Variants in NAB1 observed in about 807,000 individuals in gnomAD.
NAB1 encodes NGFI-A-binding protein 1.
In NAB1, 25 loss-of-function variants were observed where a neutral mutation model predicts 49.9. The observed-to-expected ratio is 0.50, with a 90% confidence interval of 0.37 to 0.70. The LOEUF is 0.70. NAB1 is among the 30% of genes least tolerant of loss of function. The probability of loss-of-function intolerance (pLI) is 0.00; values close to 1 mark genes in which losing one functional copy is unlikely to be tolerated. For synonymous variants in NAB1, 198 were observed against 215.6 expected (o/e 0.92, Z 0.71); for missense variants, 489 against 575.9 (o/e 0.85, Z 1.54).
chr2:190,670,422 C>T lies in NAB1; in HGVS notation c.916C>T (p.Arg306Ter). 6.2e-7 allele frequency: 1 copy of T among 1,613,918 alleles called. No individual in the cohort carries two copies. Among genetic ancestry groups the T allele is most frequent in the Non-Finnish European group, 8.5e-7 (1 of 1,179,904 alleles). Residue 306 changes from arginine to a stop codon, truncating the protein, a stop_gained, in exon 5 of 10, where the codon CGA (arginine) becomes TGA (stop). Transcript: ENST00000337386. LOFTEE classifies it high-confidence loss of function. This position sits in a 1 kb window ranked among gnomAD's most constrained non-coding sequence, Gnocchi z 5.3. ...TTTTGCCTTGGCTCGACAGATTTCT[C>T]GAGAAGTCACCTATAAATATACTTA... Reference protein sequence around the residue: ...ELFALARQISREVTYKYTYRT... With the variant: ...ELFALARQIS
rs1359036832 is a variant in NAB1, at chr2:190,657,506, C to T, written c.-20+1353C>T. Among the ~76,000 whole-genome samples the T allele has an allele frequency of 6.6e-6, 1 of 152,214 alleles. No homozygotes were observed. The highest frequency in any genetic ancestry group is 2.4e-5 in the African/African-American group (1 of 41,454). On this transcript the variant is annotated intron_variant, in intron 3 of 9. Coordinates refer to ENST00000337386, the MANE Select transcript of NAB1 (RefSeq NM_005966.4). The surrounding 1 kb of genome is among the most constrained non-coding windows in gnomAD (Gnocchi z 4.4). ...CCTGGGAAACTGTATTTTTCAAAAG[C>T]ACCCCAGGTGATTTCCTGGGTTTTA...
intron 2 of NAB1, 115 bp from the exon 3 acceptor site, chr2:190,655,862 T>G (rs965063963): frequency 6.6e-6 from 1 of 152,296 alleles, no homozygotes; most frequent in East Asian, 1.9e-4. Context: ...TTAAAAAAAG[T>G]TTTGGAACAA....
intron 4 of NAB1, among the ~76,000 whole-genome samples, chr2:190,665,212 A>T (rs1357464325): frequency 6.6e-6 from 1 of 151,764 alleles, no homozygotes; most frequent in African/African-American, 2.4e-5. Flanking sequence ...AGTCCTAGCT[A>T]CTCGGGAGGC....
chr2:190,649,756 GT>G lies in NAB1; in HGVS notation c.-333-87del, dbSNP rs1244617860. 6.6e-6 allele frequency: 1 copy of G among 152,186 alleles called. No homozygotes were observed. Among genetic ancestry groups the G allele is most frequent in the African/African-American group, 2.4e-5 (1 of 41,416 alleles). The allele number at this position is 152,186 out of a possible 1,614,324, so 9.4% of individuals were successfully genotyped here. On this transcript the variant is annotated intron_variant, in intron 1 of 9. Coordinates refer to ENST00000337386, the MANE Select transcript of NAB1 (RefSeq NM_005966.4). This position sits in a 1 kb window ranked among gnomAD's most constrained non-coding sequence, Gnocchi z 6.1. ...CCACCTTCGTCAGGGCAGTCTTTTT[GT>G]TTGTTTACTTTATAAAAGTGCTGCA...
chr2:190,659,136 C>CTTTTTTT lies in NAB1; in HGVS notation c.-19-12_-19-6dup. 1 of 1,190,340 alleles carries CTTTTTTT rather than the reference C, an allele frequency of 8.4e-7. No individual in the cohort carries two copies. The highest frequency in any genetic ancestry group is 1.1e-6 in the Non-Finnish European group (1 of 869,832). The allele number at this position is 1,190,340 out of a possible 1,614,324, so 73.7% of individuals were successfully genotyped here. A position where few individuals can be genotyped will look rare whatever the true frequency, so the allele number is the denominator to read the frequency against. On this transcript the variant is annotated intron_variant, in intron 3 of 9. Transcript: ENST00000337386. The surrounding 1 kb of genome is among the most constrained non-coding windows in gnomAD (Gnocchi z 6.2). ...TTGAAGCAAGTATGATGAGTTTTTA[C>CTTTTTTT]TTTTTTTTTTTTTTTTGGCAGGTTA...
intron 4 of NAB1, among the ~76,000 whole-genome samples, chr2:190,662,503 A>T (rs1206578343): frequency 6.6e-6 from 1 of 151,906 alleles, no homozygotes; most frequent in Non-Finnish European, 1.5e-5. Flanking sequence ...AGAACCACAC[A>T]CCTTGCTGGT....
In NAB1 at chr2:190,689,203, C is replaced by T. The variant is rs564526165; in HGVS notation, c.1376-1042C>T. On this transcript the variant is annotated intron_variant, in intron 9 of 9. Transcript: ENST00000337386. This position sits in a 1 kb window ranked among gnomAD's most constrained non-coding sequence, Gnocchi z 4.3. ...CAAGCCTGGGTCCAGATCTTAGCAC[C>T]GATACTTGACTGAGTGACCCTGACT... Among the ~76,000 whole-genome samples, 10 of 152,150 alleles carry T rather than the reference C, an allele frequency of 6.6e-5. No homozygotes were observed. The highest frequency in any genetic ancestry group is 2.1e-4 in the South Asian group (1 of 4,812).
chr2:190,659,881 C>A lies in NAB1; in HGVS notation c.705C>A (p.Ile235=), dbSNP rs768291384. ...NKKLAKMIGH[I]FEMNDDDPHK... The stretch of plus-strand genomic sequence containing the variant: ...AGTTGGCCAAAATGATTGGTCACAT[C>A]TTTGAGATGAACGATGATGATCCAC... Residue 235 remains isoleucine (I), a synonymous_variant, in exon 4 of 10, where the codon ATC becomes ATA. Transcript: ENST00000337386. The surrounding 1 kb of genome is among the most constrained non-coding windows in gnomAD (Gnocchi z 6.2). 1.2e-6 allele frequency: 2 copies of A among 1,613,996 alleles called. No homozygotes were observed. Among genetic ancestry groups the A allele is most frequent in the East Asian group, 4.5e-5 (2 of 44,884 alleles).
In NAB1 at chr2:190,663,162, T is replaced by A. The variant is rs188841172; in HGVS notation, c.819+3167T>A. Among the ~76,000 whole-genome samples, 1 of 152,362 alleles carries A rather than the reference T, an allele frequency of 6.6e-6. No homozygotes were observed. Among genetic ancestry groups the A allele is most frequent in the East Asian group, 1.9e-4 (1 of 5,194 alleles). The stretch of plus-strand genomic sequence containing the variant: ...CTGGACTTTTCCTTCTGATGATTTT[T>A]AAAAATGAATTATGGTAGTCTATTT... On this transcript the variant is annotated intron_variant, in intron 4 of 9. Coordinates refer to ENST00000337386, the MANE Select transcript of NAB1 (RefSeq NM_005966.4). The surrounding 1 kb of genome is among the most constrained non-coding windows in gnomAD (Gnocchi z 4.2).
intron 9 of NAB1, among the ~76,000 whole-genome samples, chr2:190,688,304 C>T (rs1695721985): frequency 6.6e-6 from 1 of 152,054 alleles, no homozygotes; most frequent in Non-Finnish European, 1.5e-5. Flanking sequence ...TATGTATTTA[C>T]TAGAAAAAAA....
In NAB1 at chr2:190,670,678, T is replaced by TA. The variant is rs1185709915; in HGVS notation, c.953+220dup. 3.8e-4 allele frequency among the ~76,000 whole-genome samples: 58 copies of TA among 152,342 alleles called. No individual in the cohort carries two copies. Among genetic ancestry groups the TA allele is most frequent in the Admixed American group, 1.2e-3 (19 of 15,310 alleles). Reference sequence around the variant, plus strand: ...TTGAAAGGCATCATTCTCTAGTTACTATAGCATTGTTCTGGTAGTGGTTTT... The same window carrying TA: ...TTGAAAGGCATCATTCTCTAGTTACTAATAGCATTGTTCTGGTAGTGGTTTT... On this transcript the variant is annotated intron_variant, in intron 5 of 9. Transcript: ENST00000337386. This position sits in a 1 kb window ranked among gnomAD's most constrained non-coding sequence, Gnocchi z 5.3.
rs970998448 is a variant in NAB1, at chr2:190,652,922, G to A, written c.-197+2940G>A. On this transcript the variant is annotated intron_variant, in intron 2 of 9. Transcript: ENST00000337386. This position sits in a 1 kb window ranked among gnomAD's most constrained non-coding sequence, Gnocchi z 4.2. ...CATAGAGCAAGCTTGTCCAACCCGAGGCCTGTGGTTGCATGCAGCCCAGGA... is the reference window on the plus strand; with the variant it reads ...CATAGAGCAAGCTTGTCCAACCCGAAGCCTGTGGTTGCATGCAGCCCAGGA... 3.9e-5 allele frequency among the ~76,000 whole-genome samples: 6 copies of A among 152,180 alleles called. No individual in the cohort carries two copies. The highest frequency in any genetic ancestry group is 1.2e-4 in the African/African-American group (5 of 41,428).
Position 190,685,592 on chromosome 2 carries a change from A to G in NAB1, c.1212A>G (p.Glu404=). ...LSAGLYRQSS[E]EHSPNGLTSD... ...CAGGGCTTTACAGGCAGAGCTCAGA[A>G]GAGCACAGTCCTAACGGCTTGACTT... Residue 404 remains glutamate, a synonymous_variant, in exon 8 of 10, where the codon GAA becomes GAG. Transcript: ENST00000337386. The surrounding 1 kb of genome is among the most constrained non-coding windows in gnomAD (Gnocchi z 4.5). 6.2e-7 allele frequency: 1 copy of G among 1,614,084 alleles called. No individual in the cohort carries two copies. The highest frequency in any genetic ancestry group is 8.5e-7 in the Non-Finnish European group (1 of 1,179,992).
rs959729941 is a variant in NAB1 at position 190,689,818 on chromosome 2, A to G, written c.1376-427A>G. ...TAACCAGTAACAGTTATTTATGAATAATCAGCTTCCTTTTATATATTTATC... is the reference window on the plus strand; with the variant it reads ...TAACCAGTAACAGTTATTTATGAATGATCAGCTTCCTTTTATATATTTATC... On this transcript the variant is annotated intron_variant, in intron 9 of 9. Transcript: ENST00000337386. The surrounding 1 kb of genome is among the most constrained non-coding windows in gnomAD (Gnocchi z 4.3). Among the ~76,000 whole-genome samples the G allele has an allele frequency of 6.6e-6, 1 of 152,004 alleles. No individual in the cohort carries two copies. The highest frequency in any genetic ancestry group is 1.5e-5 in the Non-Finnish European group (1 of 67,954).
chr2:190,650,391 T>TG (rs1177767774), intron 2 of NAB1, among the ~76,000 whole-genome samples: 1 of 152,216 alleles, frequency 6.6e-6, no homozygotes, highest in Admixed American at 6.5e-5. Context: ...TCTCAGATCT[T>TG]GTTTAAAAAT....
rs1427981512 is a variant in NAB1 at position 190,666,397 on chromosome 2, C to T, written c.820-3929C>T. On this transcript the variant is annotated intron_variant, in intron 4 of 9. Coordinates refer to ENST00000337386, the MANE Select transcript of NAB1 (RefSeq NM_005966.4). The surrounding 1 kb of genome is among the most constrained non-coding windows in gnomAD (Gnocchi z 5.6). ...CTGTAGTAAGTCCAGTTTTTAAGTC[C>T]GGTTATAAAAGATAGCTAACTTTAA... 1.3e-5 allele frequency among the ~76,000 whole-genome samples: 2 copies of T among 152,036 alleles called. No individual in the cohort carries two copies. Among genetic ancestry groups the T allele is most frequent in the African/African-American group, 4.8e-5 (2 of 41,388 alleles).
rs114427348 is a variant in NAB1 at position 190,678,254 on chromosome 2, T to C, written c.1005+5102T>C. On this transcript the variant is annotated intron_variant, in intron 6 of 9. Transcript: ENST00000337386. The surrounding 1 kb of genome is among the most constrained non-coding windows in gnomAD (Gnocchi z 4.9). ...AATCAAGAGCCAAAGTCCCTGGCTC[T>C]CTTGTCTTCTCCTAAATTTTTTTAA... Among the ~76,000 whole-genome samples the C allele has an allele frequency of 4.5e-3, 681 of 152,344 alleles. 4 individuals are homozygous for C. Among genetic ancestry groups the C allele is most frequent in the African/African-American group, 0.016 (649 of 41,594 alleles).
rs925031612 is a variant in NAB1, at chr2:190,670,653, T to C, written c.953+194T>C. ...GTTGTTTAATTCTCACTGTTCTCTT[T>C]TGAAAGGCATCATTCTCTAGTTACT... On this transcript the variant is annotated intron_variant, in intron 5 of 9. Coordinates refer to ENST00000337386, the MANE Select transcript of NAB1 (RefSeq NM_005966.4). This position sits in a 1 kb window ranked among gnomAD's most constrained non-coding sequence, Gnocchi z 5.3. Among the ~76,000 whole-genome samples the C allele has an allele frequency of 6.6e-6, 1 of 152,228 alleles. No individual in the cohort carries two copies. The highest frequency in any genetic ancestry group is 6.5e-5 in the Admixed American group (1 of 15,282).
In NAB1 at chr2:190,670,443, A is replaced by G; in HGVS notation, c.937A>G (p.Thr313Ala). The change falls in exon 5 of 10, where the codon ACT becomes GCT. Residue 313 changes from threonine to alanine, a missense_variant. Transcript: ENST00000337386. The surrounding 1 kb of genome is among the most constrained non-coding windows in gnomAD (Gnocchi z 5.3). The part of the protein sequence containing the change: ...QISREVTYKY[T>A]YRTTKSKCGE... ...TTCTCGAGAAGTCACCTATAAATAT[A>G]CTTACAGAACCACCAAGTAAGTATT... 6.2e-6 allele frequency: 10 copies of G among 1,613,778 alleles called. No individual in the cohort carries two copies. Among genetic ancestry groups the G allele is most frequent in the African/African-American group, 1.3e-5 (1 of 75,046 alleles).
Sources: allele counts gnomAD v4.1 joint callset (sites outside exome capture counted in the v4.1 genomes callset), GRCh38; gene constraint gnomAD v4.1.1; non-coding constraint Gnocchi (gnomAD v3.1); transcripts MANE v1.5; gene names NCBI Gene and HGNC (gene_info 2026-07-23, HGNC 2026-07-21).